AUTS2: variants seen among roughly 807,000 people sequenced by gnomAD.
The protein encoded by AUTS2 is activator of transcription and developmental regulator AUTS2, also known as autism susceptibility gene 2 protein.
A neutral mutation model predicts 112.4 loss-of-function variants in AUTS2; 17 were observed. The observed-to-expected ratio is 0.15, with a 90% CI of 0.10 to 0.23. AUTS2 has a LOEUF of 0.23. Among genes scored for constraint, AUTS2 ranks in the 10% least tolerant of loss-of-function variants. The probability of loss-of-function intolerance (pLI) is 1.00; values close to 1 mark genes in which losing one functional copy is unlikely to be tolerated. For missense variants in AUTS2, 1,510 were observed against 1,701.6 expected (o/e 0.89, Z 1.98); for synonymous variants, 751 against 702.7 (o/e 1.07, Z -1.09).
intron 1 of AUTS2, among the ~76,000 whole-genome samples, chr7:69,715,227 T>TAAAAAAAAAAAAA (rs61555118): frequency 7.7e-6 from 1 of 129,432 alleles, no homozygotes. Flanking sequence ...CAGGCATAAG[T>TAAAAAAAAAAAAA]AAAAAAAAAA....
At chr7:70,138,690 T>C (rs1584778878) in intron 4 of AUTS2, among the ~76,000 whole-genome samples, 1 of 152,214 alleles carries the variant, frequency 6.6e-6, no homozygotes, top group South Asian at 2.1e-4. Flanking sequence ...TCACTTCTAC[T>C]CAGTGATTAA....
At chr7:70,064,913 C>T (rs1452346233) in intron 2 of AUTS2, among the ~76,000 whole-genome samples, 2 of 152,130 alleles carry the variant, frequency 1.3e-5, no homozygotes, top group Non-Finnish European at 2.9e-5. Context: ...GGTTACATGT[C>T]TTTCTCCTCT....
chr7:69,777,114 T>C (rs758610500), intron 1 of AUTS2, among the ~76,000 whole-genome samples: 1 of 152,216 alleles, frequency 6.6e-6, no homozygotes, highest in Non-Finnish European at 1.5e-5. Context: ...AAGGGAACTT[T>C]AGAAGTATAT....
At chr7:69,601,158 C>G (rs1792386105) in intron 1 of AUTS2, among the ~76,000 whole-genome samples, 1 of 152,080 alleles carries the variant, frequency 6.6e-6, no homozygotes, top group African/African-American at 2.4e-5. Context: ...CACACACACA[C>G]AGAAGGCTTT....
At chr7:69,642,963 C>T (rs923116734) in intron 1 of AUTS2, among the ~76,000 whole-genome samples, 5 of 152,156 alleles carry the variant, frequency 3.3e-5, no homozygotes, top group African/African-American at 1.2e-4. Flanking sequence ...GGGTCCTTTG[C>T]AAGGCTGCAA....
intron 1 of AUTS2, among the ~76,000 whole-genome samples, chr7:69,612,476 T>G (rs1236933206): frequency 6.6e-6 from 1 of 152,186 alleles, no homozygotes; most frequent in Admixed American, 6.5e-5. Flanking sequence ...CTTTTTTTTT[T>G]TTAGACATGT....
intron 4 of AUTS2, among the ~76,000 whole-genome samples, chr7:70,139,718 G>A (rs1194660013): frequency 6.6e-6 from 1 of 152,000 alleles, no homozygotes; most frequent in Non-Finnish European, 1.5e-5. Flanking sequence ...TATAAATGAG[G>A]GCTGGGCACG....
chr7:70,180,709 C>T (rs1486728920), intron 4 of AUTS2, among the ~76,000 whole-genome samples: 2 of 152,012 alleles, frequency 1.3e-5, no homozygotes, highest in Admixed American at 1.3e-4. Flanking sequence ...ATTCTGCCAT[C>T]CCTGCAGCTG....
At chr7:69,991,103 CT>C (rs1412698790) in intron 2 of AUTS2, among the ~76,000 whole-genome samples, 1 of 152,138 alleles carries the variant, frequency 6.6e-6, no homozygotes, top group Non-Finnish European at 1.5e-5. Context: ...GAAAGAGAGT[CT>C]GGGAACTGGA....
intron 1 of AUTS2, among the ~76,000 whole-genome samples, chr7:69,690,865 G>A (rs1201153541): frequency 6.6e-6 from 1 of 152,168 alleles, no homozygotes; most frequent in East Asian, 1.9e-4. Flanking sequence ...TGAGATACGT[G>A]GACAACCAGA....
chr7:70,248,126 TTTAC>T (rs759161992), intron 4 of AUTS2, among the ~76,000 whole-genome samples: 1 of 152,220 alleles, frequency 6.6e-6, no homozygotes, highest in Non-Finnish European at 1.5e-5. Context: ...TTGCTGACAT[TTTAC>T]TTAGGATTTT....
intron 1 of AUTS2, among the ~76,000 whole-genome samples, chr7:69,774,227 C>T (rs1788797566): frequency 6.6e-6 from 1 of 152,122 alleles, no homozygotes; most frequent in East Asian, 1.9e-4. Flanking sequence ...GCCTGGGCAA[C>T]GTAGACCTCC....
intron 4 of AUTS2, among the ~76,000 whole-genome samples, chr7:70,386,139 C>G (rs1793595914): frequency 6.6e-6 from 1 of 152,146 alleles, no homozygotes; most frequent in African/African-American, 2.4e-5. Flanking sequence ...CTGAGAAGCC[C>G]AGTAGTTCCC....
At chr7:69,869,409 A>G (rs1793381403) in intron 1 of AUTS2, among the ~76,000 whole-genome samples, 7 of 151,808 alleles carry the variant, frequency 4.6e-5, no homozygotes, top group Admixed American at 4.6e-4. Flanking sequence ...CGTGTCCTTT[A>G]TTTTGATAAA....
At chr7:70,114,713 A>G (rs1217652892) in intron 2 of AUTS2, among the ~76,000 whole-genome samples, 1 of 152,174 alleles carries the variant, frequency 6.6e-6, no homozygotes, top group Non-Finnish European at 1.5e-5. Flanking sequence ...AGGCAGGAGA[A>G]TCGCTTGAAC....
chr7:69,894,619 G>A (rs999068788), intron 1 of AUTS2, among the ~76,000 whole-genome samples: 1 of 152,122 alleles, frequency 6.6e-6, no homozygotes, highest in Non-Finnish European at 1.5e-5. Context: ...GACTCCCCAT[G>A]TCTAGAAACG....
chr7:69,911,953 C>T (rs764945179), intron 2 of AUTS2, among the ~76,000 whole-genome samples: 1 of 152,130 alleles, frequency 6.6e-6, no homozygotes, highest in Non-Finnish European at 1.5e-5. Context: ...AACCTGTCTG[C>T]CTCCCACCAT....
At chr7:69,808,285 T>G (rs1167912669) in intron 1 of AUTS2, among the ~76,000 whole-genome samples, 3 of 152,194 alleles carry the variant, frequency 2.0e-5, no homozygotes, top group Non-Finnish European at 4.4e-5. Flanking sequence ...ACCACCATAG[T>G]AGGCCTGACT....
At chr7:69,752,247 T>C (rs1344059451) in intron 1 of AUTS2, among the ~76,000 whole-genome samples, 1 of 152,216 alleles carries the variant, frequency 6.6e-6, no homozygotes, top group African/African-American at 2.4e-5. Context: ...AGAGGTGTTC[T>C]TTCTCCCAGT....
Sources: allele counts gnomAD v4.1 joint callset (sites outside exome capture counted in the v4.1 genomes callset), GRCh38; gene constraint gnomAD v4.1.1; transcripts MANE v1.5; gene names NCBI Gene and HGNC (gene_info 2026-07-23, HGNC 2026-07-21).